Variants in PCDH15 observed in about 807,000 individuals in gnomAD.
The protein encoded by PCDH15 is protocadherin-15.
In PCDH15, 129 loss-of-function variants were observed where a neutral mutation model predicts 178.5. The ratio of observed to expected loss-of-function variants is 0.72; its 90% CI spans 0.63 to 0.84. The LOEUF is 0.84. PCDH15 is among the 40% of genes least tolerant of loss of function. The pLI, the probability that PCDH15 is intolerant of heterozygous loss-of-function variation, is 0.00. For synonymous variants in PCDH15, 800 were observed against 732.0 expected, an observed-to-expected ratio of 1.09 and a Z score of -1.50; for missense variants, 2,230 against 2,099.9, an observed-to-expected ratio of 1.06 and a Z score of -1.21.
In PCDH15 at chr10:55,128,638, T is replaced by A. The variant is rs368981010; in HGVS notation, c.-80+37938A>T. On this transcript the variant is annotated intron_variant, in intron 2 of 5. Coordinates refer to the PCDH15 transcript ENST00000458638. The stretch of plus-strand genomic sequence containing the variant: ...AGGAGGGCAAATCTCCTGACTGTCA[T>A]ACACTTATTCAGAAATTTTCCTTGC... Among the ~76,000 whole-genome samples the A allele has an allele frequency of 1.1e-4, 16 of 152,166 alleles. No homozygotes were observed. The East Asian group carries it at 2.9e-3, about 28-fold the overall frequency.
chr10:55,367,363 T>C (rs1845390042), intron 2 of PCDH15, among the ~76,000 whole-genome samples: 1 of 152,066 alleles, frequency 6.6e-6, no homozygotes, highest in Non-Finnish European at 1.5e-5. Context: ...GGAGAATCTC[T>C]TGAGCCCAGG....
At chr10:55,416,039 ACAAACAAACAAG>A (rs1210432964) in intron 2 of PCDH15, among the ~76,000 whole-genome samples, 1 of 122,970 alleles carries the variant, frequency 8.1e-6, no homozygotes, top group Non-Finnish European at 1.7e-5. Context: ...AGGCAAAAAA[ACAAACAAACAAG>A]CAAACAAACA....
chr10:54,996,635 T>A (rs1839651241), intron 2 of PCDH15, among the ~76,000 whole-genome samples: 1 of 152,132 alleles, frequency 6.6e-6, no homozygotes, highest in Non-Finnish European at 1.5e-5. Context: ...CTTTAAATGG[T>A]ACTGTTGTCT....
At chr10:54,498,736 CTT>C (rs1182042426) in intron 3 of PCDH15, among the ~76,000 whole-genome samples, 1 of 152,020 alleles carries the variant, frequency 6.6e-6, no homozygotes, top group African/African-American at 2.4e-5. Flanking sequence ...AGCAAGAAGA[CTT>C]AACTATCTGT....
Position 54,516,724 on chromosome 10 carries a change from TC to T in PCDH15, c.157+11087del, listed in dbSNP as rs2082261217. Among the ~76,000 whole-genome samples, 3 of 151,314 alleles carry T rather than the reference TC, an allele frequency of 2.0e-5. No homozygotes were observed. The South Asian group carries it at 6.3e-4, about 32-fold the overall frequency. ...AATACAGAGAACGCCACAAAGATAC[TC>T]CTCGAGAAGAGCAACTCCAAGACAC... On this transcript the variant is annotated intron_variant, in intron 3 of 37. Transcript: ENST00000644397.
chr10:55,589,905 C>T (rs988414727), intron 2 of PCDH15, among the ~76,000 whole-genome samples: 28 of 148,016 alleles, frequency 1.9e-4, no homozygotes, highest in Middle Eastern at 3.4e-3. Flanking sequence ...GTCAGTGTGG[C>T]GATTCCTCAG....
chr10:54,079,071 A>G (rs1385240948), intron 17 of PCDH15, among the ~76,000 whole-genome samples: 1 of 152,170 alleles, frequency 6.6e-6, no homozygotes, highest in Non-Finnish European at 1.5e-5. Flanking sequence ...AATAAAGTAG[A>G]TTTCATTTTC....
At chr10:53,888,318 G>GTATATATATGTATGTACATCTATA (rs1238264864) in intron 26 of PCDH15, among the ~76,000 whole-genome samples, 1 of 91,824 alleles carries the variant, frequency 1.1e-5, no homozygotes, top group Non-Finnish European at 1.9e-5. Flanking sequence ...ATGTATATAT[G>GTATATATATGTATGTACATCTATA]TACGTATATA....
intron 2 of PCDH15, among the ~76,000 whole-genome samples, chr10:54,558,794 C>T (rs1215184367): frequency 6.6e-6 from 1 of 151,980 alleles, no homozygotes; most frequent in Non-Finnish European, 1.5e-5. Context: ...ATTTTATTCA[C>T]CCAAACTAGA....
At chr10:54,590,062 CT>C (rs1270308001) in intron 2 of PCDH15, among the ~76,000 whole-genome samples, 5 of 152,156 alleles carry the variant, frequency 3.3e-5, no homozygotes, top group Admixed American at 3.3e-4. Flanking sequence ...ACAAAAAGAA[CT>C]GCTAATCACT....
At chr10:54,315,157 T>C (rs2061163355) in intron 8 of PCDH15, among the ~76,000 whole-genome samples, 1 of 152,182 alleles carries the variant, frequency 6.6e-6, no homozygotes, top group Non-Finnish European at 1.5e-5. Flanking sequence ...CCACCAACAG[T>C]GTATAAGTGT....
At position 53,972,318 on chromosome 10, in the gene PCDH15, C is replaced by T. The variant is rs1391519981; in HGVS notation, c.2869-10426G>A. ...TGGATTAAAGACTTAGATGTTAGAC[C>T]TAAAACCATAAAAACTCTAGAAAAA... On this transcript the variant is annotated intron_variant, in intron 21 of 37. Transcript: ENST00000644397. Among the ~76,000 whole-genome samples the T allele has an allele frequency of 2.9e-5, 4 of 140,260 alleles. No homozygotes were observed. The South Asian group carries it at 9.0e-4, about 31-fold the overall frequency. The allele number at this position is 140,260 out of a possible 152,430, so 92.0% of individuals were successfully genotyped here. A position where few individuals can be genotyped will look rare whatever the true frequency, so the allele number is the denominator to read the frequency against.
intron 2 of PCDH15, among the ~76,000 whole-genome samples, chr10:54,968,125 G>T (rs2131890941): frequency 6.6e-6 from 1 of 152,252 alleles, no homozygotes; most frequent in East Asian, 1.9e-4. Flanking sequence ...ATATAGGAAT[G>T]GAAAGCCTGG....
At chr10:54,200,775 C>G (rs533953178) in intron 10 of PCDH15, among the ~76,000 whole-genome samples, 2 of 152,200 alleles carry the variant, frequency 1.3e-5, no homozygotes, top group South Asian at 4.1e-4. Context: ...GTGGTTTCCC[C>G]TTTTCTCCCC....
intron 2 of PCDH15, among the ~76,000 whole-genome samples, chr10:55,112,874 C>G (rs1201607867): frequency 1.3e-5 from 2 of 152,102 alleles, no homozygotes; most frequent in African/African-American, 4.8e-5. Flanking sequence ...TAAAAAGACC[C>G]AAAATATACC....
intron 7 of PCDH15, among the ~76,000 whole-genome samples, chr10:54,322,101 A>T (rs1030402195): frequency 7.2e-5 from 11 of 151,974 alleles, no homozygotes; most frequent in African/African-American, 2.7e-4. Flanking sequence ...AAACAACAAA[A>T]ACAGAAAAAA....
At chr10:54,396,668 G>A (rs1951270592) in intron 3 of PCDH15, among the ~76,000 whole-genome samples, 2 of 152,026 alleles carry the variant, frequency 1.3e-5, no homozygotes, top group Admixed American at 1.3e-4. Flanking sequence ...AAGGAAAAGG[G>A]CCACTTTTTA....
rs1030858927 is a variant in PCDH15 at position 54,264,825 on chromosome 10, G to T, written c.877-27894C>A. On this transcript the variant is annotated intron_variant, in intron 8 of 37. Transcript: ENST00000644397. ...AGAGAAAAGAAAAAATAACCAACTT[G>T]GAAAACATACCTGAGGAAAAATTTC... is the stretch of plus-strand genomic sequence containing the variant. Among the ~76,000 whole-genome samples the T allele has an allele frequency of 6.6e-5, 10 of 152,130 alleles. No individual in the cohort carries two copies. In the East Asian group the frequency reaches 1.9e-3, roughly 29 times the overall value.
chr10:55,514,742 T>G (rs945653711), intron 2 of PCDH15, among the ~76,000 whole-genome samples: 1 of 152,056 alleles, frequency 6.6e-6, no homozygotes, highest in African/African-American at 2.4e-5. Context: ...GAAGGTCAAA[T>G]AATTTCTTTA....
Sources: gnomAD v4.1 joint callset for allele counts (sites outside exome capture counted in the v4.1 genomes callset) on GRCh38, gnomAD v4.1.1 for gene constraint, MANE v1.5 for transcripts, NCBI Gene and HGNC (gene_info 2026-07-23, HGNC 2026-07-21) for gene names.